Variants in PARP10 observed in about 807,000 individuals in gnomAD.
The protein encoded by PARP10 is poly(ADP-ribose) polymerase family member 10.
Under a neutral mutation model 82.4 loss-of-function variants are expected in PARP10, and 56 were observed. The observed-to-expected ratio is 0.68, with a 90% CI of 0.55 to 0.85. The LOEUF is 0.85. PARP10 is among the 40% of genes least tolerant of loss of function. The probability of loss-of-function intolerance (pLI) is 0.00; values close to 1 mark genes in which losing one functional copy is unlikely to be tolerated. For missense variants in PARP10, 1,227 were observed against 1,379.4 expected, an observed-to-expected ratio of 0.89 and a Z score of 1.75; for synonymous variants, 576 against 601.1, an observed-to-expected ratio of 0.96 and a Z score of 0.61.
At chr8:143,979,123 C>T (rs892598341) in intron 9 of PARP10, among the ~76,000 whole-genome samples, 62 of 152,268 alleles carry the variant, frequency 4.1e-4, no homozygotes, top group African/African-American at 1.4e-3. Flanking sequence ...CAGGCACCTG[C>T]CACCGCGCCC....
In PARP10 at chr8:143,977,779, A is replaced by G. The variant is rs1554746620; in HGVS notation, c.2783T>C (p.Val928Ala). 16 of 1,603,864 alleles carry G rather than the reference A, an allele frequency of 1.0e-5. No individual in the cohort carries two copies. Among genetic ancestry groups the G allele is most frequent in the Non-Finnish European group, 1.4e-5 (16 of 1,175,778 alleles). ...GTTGGGGGGCGAGTAGCGGTCCTGC[A>G]CCGACAGGGAGGCGCGCCTGGCGAA... is the stretch of plus-strand genomic sequence containing the variant. The part of the protein sequence containing the change: ...VYFARRASLS[V>A]QDRYSPPNAD... Residue 928 changes from valine to alanine, a missense_variant, in exon 11 of 11, where the codon GTG (valine) becomes GCG (alanine). Val to Ala is a moderately conservative substitution (Grantham distance 64). Transcript: ENST00000313028.
rs146380983 is a variant in PARP10, at chr8:144,011,786, C to T, written c.-80+744G>A. ...ACGACGGGAGATTTGGAATAGGGAA[C>T]GCTGAGTCACCAGAAATGGAAACTC... On this transcript the variant is annotated intron_variant, in intron 1 of 3. Coordinates refer to the PARP10 transcript ENST00000530478. The surrounding 1 kb of genome is among the most constrained non-coding windows in gnomAD (Gnocchi z 4.5). Among the ~76,000 whole-genome samples the T allele has an allele frequency of 1.6e-3, 243 of 152,182 alleles. 6 individuals are homozygous for T. In the East Asian group the frequency reaches 0.039, roughly 24 times the overall value.
chr8:144,006,379 A>G (rs1834236638), intron 1 of PARP10, among the ~76,000 whole-genome samples: 1 of 152,208 alleles, frequency 6.6e-6, no homozygotes, highest in Non-Finnish European at 1.5e-5. Flanking sequence ...AGGCACAGAG[A>G]GGTTGGGGGC....
chr8:143,977,416 G>T lies in PARP10; in HGVS notation c.*68C>A. ...ACAGCTCAGGCGGCCACAGTTGGGG[G>T]CGGGGAGCATCAGCCTGTGCGGAGC... On this transcript the variant is annotated 3_prime_UTR_variant, in exon 11 of 11. Transcript: ENST00000313028. 3 of 1,369,510 alleles carry T rather than the reference G, an allele frequency of 2.2e-6. No homozygotes were observed. The highest frequency in any genetic ancestry group is 1.4e-5 in the South Asian group (1 of 70,730). 84.8% of individuals were successfully genotyped at this position (1,369,510 alleles called of 1,614,324 possible).
At chr8:143,992,652 G>A, upstream of PARP10, 1 of 1,613,902 alleles carries the variant, frequency 6.2e-7, no homozygotes, top group Non-Finnish European at 8.5e-7. Flanking sequence ...TGCTGGGCAG[G>A]CAGGCTTGTC....
At chr8:143,994,173 C>T (rs1445878923), upstream of PARP10, among the ~76,000 whole-genome samples, 1 of 152,212 alleles carries the variant, frequency 6.6e-6, no homozygotes, top group Non-Finnish European at 1.5e-5. Flanking sequence ...CTCTCAAGGC[C>T]CCTCCCCACT....
chr8:143,999,497 C>T (rs1554751541), intron 1 of PARP10, among the ~76,000 whole-genome samples: 1 of 152,068 alleles, frequency 6.6e-6, no homozygotes, highest in African/African-American at 2.4e-5. Flanking sequence ...AGCCACTACG[C>T]TCAGCTTAAT....
chr8:143,991,045 GCCCAGGCT>G (rs1310153621), upstream of PARP10: 3 of 470,840 alleles, frequency 6.4e-6, no homozygotes, highest in African/African-American at 6.1e-5. Flanking sequence ...GCTTCTCCGG[GCCCAGGCT>G]CCGGGGCTCC....
chr8:143,981,549 GTGA>G (rs782529040), intron 9 of PARP10, among the ~76,000 whole-genome samples: 4 of 95,764 alleles, frequency 4.2e-5, no homozygotes, highest in East Asian at 6.2e-4. Flanking sequence ...GAAGGTGATG[GTGA>G]TGATGGTGGT....
Position 143,983,222 on chromosome 8 carries a change from C to T in PARP10, c.2367G>A (p.Leu789=), listed in dbSNP as rs782275028. 2 of 1,613,620 alleles carry T rather than the reference C, an allele frequency of 1.2e-6. No individual in the cohort carries two copies. Among genetic ancestry groups the T allele is most frequent in the Non-Finnish European group, 1.7e-6 (2 of 1,179,992 alleles). Residue 789 remains leucine, a synonymous_variant, in exon 8 of 11, where the codon CTG becomes CTA. Transcript: ENST00000313028. The part of the protein sequence containing the change: ...ARAARHLVAL[L]AGPWDQSLAF... The stretch of plus-strand genomic sequence containing the variant: ...CCAAACTCTGATCCCAGGGGCCAGC[C>T]AGAAGTGCCACCAAGTGGCGGGCAG...
upstream of PARP10, among the ~76,000 whole-genome samples, chr8:143,988,299 A>G (rs374194414): frequency 1.1e-3 from 1 of 888 alleles, no homozygotes; most frequent in Non-Finnish European, 2.6e-3. Flanking sequence ...ACAGGCACGC[A>G]CCACCATGCC....
upstream of PARP10, among the ~76,000 whole-genome samples, chr8:143,993,974 CAG>C (rs1266903870): frequency 1.3e-5 from 2 of 152,232 alleles, no homozygotes; most frequent in African/African-American, 4.8e-5. Flanking sequence ...CCCTCAGCCC[CAG>C]CCTGCAGTGC....
At chr8:143,991,982 C>G, upstream of PARP10, 1 of 1,613,552 alleles carries the variant, frequency 6.2e-7, no homozygotes, top group South Asian at 1.1e-5. Context: ...ATGTCTGGAC[C>G]TACTATGTCT....
upstream of PARP10, chr8:143,991,592 A>G (rs1218876267): frequency 1.2e-6 from 2 of 1,602,224 alleles, no homozygotes; most frequent in African/African-American, 1.3e-5. Flanking sequence ...TCCCAGGACA[A>G]GACCCTGACT....
chr8:144,007,179 ACCTGGATGACCC>A (rs1834242043), intron 1 of PARP10, among the ~76,000 whole-genome samples: 1 of 152,200 alleles, frequency 6.6e-6, no homozygotes, highest in African/African-American at 2.4e-5. Flanking sequence ...CATGAGGGGT[ACCTGGATGACCC>A]CTGGGGTTGA....
chr8:143,984,154 AG>A (rs1564251463), intron 6 of PARP10, 50 bp from the exon 7 acceptor site: 1 of 1,515,798 alleles, frequency 6.6e-7, no homozygotes, highest in African/African-American at 1.4e-5. Flanking sequence ...AGGGCAGAGG[AG>A]GCCTGGGGCA....
rs781798577 is a variant in PARP10 at position 144,008,172 on chromosome 8, A to G, written c.-80+4358T>C. Among the ~76,000 whole-genome samples, 4 of 152,160 alleles carry G rather than the reference A, an allele frequency of 2.6e-5. No individual in the cohort carries two copies. The highest frequency in any genetic ancestry group is 4.4e-5 in the Non-Finnish European group (3 of 68,016). ...AAATGTTCGCATGGCCAGTACTGCT[A>G]GGACATGTGGCGGATAGCTGCTTCC... On this transcript the variant is annotated intron_variant, in intron 1 of 3. Transcript: ENST00000530478. This position sits in a 1 kb window ranked among gnomAD's most constrained non-coding sequence, Gnocchi z 4.0.
intron 1 of PARP10, among the ~76,000 whole-genome samples, chr8:144,004,259 A>T (rs1461193888): frequency 6.6e-6 from 1 of 151,792 alleles, no homozygotes; most frequent in Non-Finnish European, 1.5e-5. Flanking sequence ...CCTGTCTCAG[A>T]AAAAAAAAGA....
At position 143,983,449 on chromosome 8, in the gene PARP10, C is replaced by T. The variant is rs1554748231; in HGVS notation, c.2140G>A (p.Ala714Thr). The change falls in exon 8 of 11, where the codon GCC becomes ACC. Residue 714 changes from alanine (A) to threonine (T), a missense_variant. Ala to Thr is a moderately conservative substitution (Grantham distance 58). Coordinates refer to ENST00000313028, the MANE Select transcript of PARP10 (RefSeq NM_032789.5). The stretch of plus-strand genomic sequence containing the variant: ...AGCTCCTCCACATCCTGCTCAAAGG[C>T]CGAGTGCACCACCAGCTGGGCCTTG... ...DGKAQLVVHS[A>T]FEQDVEELDR... 2 of 1,605,960 alleles carry T rather than the reference C, an allele frequency of 1.2e-6. No homozygotes were observed. The highest frequency in any genetic ancestry group is 1.1e-5 in the South Asian group (1 of 90,606).
Sources: allele counts gnomAD v4.1 joint callset (sites outside exome capture counted in the v4.1 genomes callset), GRCh38; gene constraint gnomAD v4.1.1; non-coding constraint Gnocchi (gnomAD v3.1); transcripts MANE v1.5; gene names NCBI Gene and HGNC (gene_info 2026-07-23, HGNC 2026-07-21).